CADM1: variants seen among roughly 807,000 people sequenced by gnomAD.
CADM1 encodes the protein TSLC-1.
In CADM1, 15 loss-of-function variants were observed where a neutral mutation model predicts 53.1. That is an observed-to-expected ratio of 0.28 (90% confidence interval 0.19 to 0.44). CADM1 has a LOEUF of 0.44. CADM1 is among the 20% of genes least tolerant of loss of function. The pLI is 1.00. For missense variants in CADM1, 434 were observed against 611.3 expected (o/e 0.71, Z 3.06); for synonymous variants, 281 against 243.0 (o/e 1.16, Z -1.45).
intron 1 of CADM1, among the ~76,000 whole-genome samples, chr11:115,462,072 T>C (rs1195337269): frequency 6.6e-6 from 1 of 152,088 alleles, no homozygotes; most frequent in African/African-American, 2.4e-5. Flanking sequence ...AATAATGCTA[T>C]CCAAAGAGGT....
chr11:115,328,559 C>T (rs1425590593), intron 1 of CADM1, among the ~76,000 whole-genome samples: 1 of 149,102 alleles, frequency 6.7e-6, no homozygotes, highest in Middle Eastern at 3.2e-3. Flanking sequence ...GTGCTAAATT[C>T]CCTTGTCTGC....
chr11:115,338,892 ATTTTTT>A (rs10577568), intron 1 of CADM1, among the ~76,000 whole-genome samples: 1 of 132,734 alleles, frequency 7.5e-6, no homozygotes, highest in Non-Finnish European at 1.6e-5. Context: ...TTTTTTTTTA[ATTTTTT>A]TTTTTTTTTA....
chr11:115,400,513 A>C (rs1220333219), intron 1 of CADM1, among the ~76,000 whole-genome samples: 1 of 148,508 alleles, frequency 6.7e-6, no homozygotes, highest in Non-Finnish European at 1.5e-5. Flanking sequence ...ACTTCACATT[A>C]TATATCAGAA....
chr11:115,267,165 G>A (rs1473095303), intron 1 of CADM1, among the ~76,000 whole-genome samples: 1 of 152,236 alleles, frequency 6.6e-6, no homozygotes, highest in Non-Finnish European at 1.5e-5. Flanking sequence ...ACCCAAACAA[G>A]AAAGTTCAAA....
rs556745828 is a variant in CADM1 at position 115,201,743 on chromosome 11, G to C, written c.1079-3305C>G. ...AAAAAATCTTTGAGCTAGCCCATGA[G>C]AAAAACAGGTCACAAAAAATTGAGC... On this transcript the variant is annotated intron_variant, in intron 8 of 11. Coordinates refer to ENST00000331581, the MANE Select transcript of CADM1 (RefSeq NM_001301043.2). Among the ~76,000 whole-genome samples, 11 of 152,118 alleles carry C rather than the reference G, an allele frequency of 7.2e-5. No homozygotes were observed. The East Asian group carries it at 1.3e-3, about 19-fold the overall frequency.
chr11:115,500,303 C>G (rs1446933662), intron 1 of CADM1, among the ~76,000 whole-genome samples: 5 of 151,704 alleles, frequency 3.3e-5, no homozygotes, highest in African/African-American at 1.2e-4. Flanking sequence ...TAAAAACAGA[C>G]ACACACACAC....
At chr11:115,374,589 T>C (rs1946391831) in intron 1 of CADM1, among the ~76,000 whole-genome samples, 1 of 152,102 alleles carries the variant, frequency 6.6e-6, no homozygotes, top group Non-Finnish European at 1.5e-5. Flanking sequence ...ATCACATGCA[T>C]ACAAAAAGGT....
chr11:115,484,996 G>A (rs1402411385), intron 1 of CADM1, among the ~76,000 whole-genome samples: 1 of 151,832 alleles, frequency 6.6e-6, no homozygotes, highest in Non-Finnish European at 1.5e-5. Context: ...TTGTTCCGGT[G>A]TTGCCATATC....
chr11:115,499,054 C>T (rs1949679200), intron 1 of CADM1, among the ~76,000 whole-genome samples: 1 of 150,690 alleles, frequency 6.6e-6, no homozygotes, highest in African/African-American at 2.4e-5. Flanking sequence ...AAAATCTGAT[C>T]AATGTAAAAA....
chr11:115,329,670 T>A (rs763606606), intron 1 of CADM1, among the ~76,000 whole-genome samples: 14 of 152,096 alleles, frequency 9.2e-5, no homozygotes, highest in Non-Finnish European at 1.9e-4. Flanking sequence ...ACAGCTTAAG[T>A]GTTAACCAGC....
chr11:115,244,968 C>T (rs752192383), intron 1 of CADM1, among the ~76,000 whole-genome samples: 1 of 152,220 alleles, frequency 6.6e-6, no homozygotes, highest in Non-Finnish European at 1.5e-5. Flanking sequence ...CTCGCCCCCG[C>T]TGCCTGGCTG....
At position 115,472,272 on chromosome 11, in the gene CADM1, G is replaced by A. The variant is rs556396196; in HGVS notation, c.124+31999C>T. On this transcript the variant is annotated intron_variant, in intron 1 of 11. Transcript: ENST00000331581. ...TAAGTAGATGTCAGAGCCCAGGGAG[G>A]GAAATTAAGTTTAACAGTGGATCAC... 6.6e-5 allele frequency among the ~76,000 whole-genome samples: 10 copies of A among 152,276 alleles called. No individual in the cohort carries two copies. In the South Asian group the frequency reaches 1.9e-3, roughly 28 times the overall value.
chr11:115,473,334 A>G (rs146448806), intron 1 of CADM1, among the ~76,000 whole-genome samples: 3 of 152,086 alleles, frequency 2.0e-5, no homozygotes, highest in African/African-American at 7.2e-5. Context: ...TGGCACACAC[A>G]TGTAGTCCCA....
Position 115,238,362 on chromosome 11 carries a change from T to A in CADM1, c.424+138A>T, listed in dbSNP as rs1942083461. On this transcript the variant is annotated intron_variant, in intron 3 of 11. Coordinates refer to ENST00000331581, the MANE Select transcript of CADM1 (RefSeq NM_001301043.2). Reference sequence around the variant, plus strand: ...AGCATTTGGTAAAATAGGCTATTTTTAAAATTCAGCAAGATGGGCGGTGAT... The same window carrying A: ...AGCATTTGGTAAAATAGGCTATTTTAAAAATTCAGCAAGATGGGCGGTGAT... The A allele has an allele frequency of 8.3e-6, 8 of 965,450 alleles. No individual in the cohort carries two copies. The South Asian group carries it at 1.0e-4, about 13-fold the overall frequency. 59.8% of individuals were successfully genotyped at this position (965,450 alleles called of 1,614,324 possible).
At chr11:115,373,934 T>C (rs911304540) in intron 1 of CADM1, among the ~76,000 whole-genome samples, 11 of 152,316 alleles carry the variant, frequency 7.2e-5, no homozygotes, top group African/African-American at 2.2e-4. Context: ...TGAATTTGAA[T>C]TGGAAGAGTC....
chr11:115,503,199 G>A (rs1236328172), intron 1 of CADM1, among the ~76,000 whole-genome samples: 1 of 152,204 alleles, frequency 6.6e-6, no homozygotes, highest in Non-Finnish European at 1.5e-5. Flanking sequence ...AAGAGCTCCG[G>A]CTCCCTTTTG....
At chr11:115,437,543 A>C (rs185109444) in intron 1 of CADM1, among the ~76,000 whole-genome samples, 2 of 152,346 alleles carry the variant, frequency 1.3e-5, no homozygotes, top group Admixed American at 6.5e-5. Context: ...CATCCAAAAG[A>C]CATTAGGTAA....
Position 115,173,625 on chromosome 11 carries a change from T to C in CADM1, c.*2849A>G, listed in dbSNP as rs1227327425. 1 of 297,796 alleles carries C rather than the reference T, an allele frequency of 3.4e-6. No individual in the cohort carries two copies. The highest frequency in any genetic ancestry group is 4.9e-6 in the Non-Finnish European group (1 of 202,582). 18.4% of individuals were successfully genotyped at this position (297,796 alleles called of 1,614,324 possible). On this transcript the variant is annotated 3_prime_UTR_variant, in exon 12 of 12. Coordinates refer to ENST00000331581, the MANE Select transcript of CADM1 (RefSeq NM_001301043.2). ...AGAAGTCCATAAAGAGATTAAAGGA[T>C]CACTTTGTAACATTAATTTTTTTTT...
chr11:115,445,841 C>CAAAAA, intron 1 of CADM1: 4 of 418,148 alleles, frequency 9.6e-6, no homozygotes, highest in Admixed American at 8.6e-5. Context: ...TGAGACCTGT[C>CAAAAA]AAAAAAGAAA....
Sources: allele counts gnomAD v4.1 joint callset (sites outside exome capture counted in the v4.1 genomes callset), GRCh38; gene constraint gnomAD v4.1.1; transcripts MANE v1.5; gene names NCBI Gene and HGNC (gene_info 2026-07-23, HGNC 2026-07-21).